Variants in RNLS observed in about 807,000 individuals in gnomAD.
RNLS encodes renalase.
A neutral mutation model predicts 39.8 loss-of-function variants in RNLS; 39 were observed. The observed-to-expected ratio is 0.98, with a 90% CI of 0.76 to 1.28. The LOEUF is 1.28. Ranked by LOEUF, RNLS falls within the 50% of genes most tolerant of loss-of-function variation. RNLS has a pLI of 0.00. For synonymous variants in RNLS, 147 were observed against 150.7 expected (o/e 0.98, Z 0.18); for missense variants, 410 against 413.3 (o/e 0.99, Z 0.07).
intron 6 of RNLS, among the ~76,000 whole-genome samples, chr10:88,312,484 C>G (rs1046427695): frequency 6.6e-6 from 1 of 152,088 alleles, no homozygotes; most frequent in Admixed American, 6.6e-5. Flanking sequence ...TTTCCCACTA[C>G]CAAGTTTTTG....
chr10:88,449,004 T>A (rs954471747), intron 4 of RNLS, among the ~76,000 whole-genome samples: 1 of 152,018 alleles, frequency 6.6e-6, no homozygotes. Context: ...TGTTGTGCAG[T>A]GCGGGGAGGG....
chr10:88,564,442 G>T (rs1018363907), intron 4 of RNLS, among the ~76,000 whole-genome samples: 1 of 152,098 alleles, frequency 6.6e-6, no homozygotes, highest in Non-Finnish European at 1.5e-5. Context: ...AGGGTGGGGG[G>T]TGGAGATGAG....
chr10:88,520,508 T>C (rs1220219913), intron 4 of RNLS, among the ~76,000 whole-genome samples: 1 of 151,992 alleles, frequency 6.6e-6, no homozygotes, highest in Non-Finnish European at 1.5e-5. Flanking sequence ...AGGGACACCA[T>C]GATAGCCACA....
In RNLS at chr10:88,446,641, G is replaced by A. The variant is rs151122399; in HGVS notation, c.527-83916C>T. 1.4e-3 allele frequency among the ~76,000 whole-genome samples: 209 copies of A among 152,160 alleles called. 5 individuals carry two copies. In the East Asian group the frequency reaches 0.038, roughly 28 times the overall value. On this transcript the variant is annotated intron_variant, in intron 4 of 6. Transcript: ENST00000331772. ...AAATGATAAAGGGGATATCACCACC[G>A]ATCCCACAGAAATGCAAACTACCAT... is the stretch of plus-strand genomic sequence containing the variant.
intron 4 of RNLS, among the ~76,000 whole-genome samples, chr10:88,400,311 T>C (rs1197785972): frequency 6.6e-6 from 1 of 152,026 alleles, no homozygotes; most frequent in Admixed American, 6.6e-5. Flanking sequence ...GGAATCCCTA[T>C]TTTCCTTTGA....
chr10:88,567,402 T>C (rs987178139), intron 4 of RNLS, among the ~76,000 whole-genome samples: 6 of 152,220 alleles, frequency 3.9e-5, no homozygotes, highest in African/African-American at 1.4e-4. Context: ...AAATGTAATG[T>C]TAAAGGATCT....
At chr10:88,545,547 G>A in intron 4 of RNLS, 1 of 434,286 alleles carries the variant, frequency 2.3e-6, no homozygotes, top group Non-Finnish European at 4.6e-6. Flanking sequence ...GTACAGCACG[G>A]GAAAAACCTG....
intron 4 of RNLS, among the ~76,000 whole-genome samples, chr10:88,435,946 T>C (rs1344347501): frequency 6.6e-6 from 1 of 152,058 alleles, no homozygotes; most frequent in Non-Finnish European, 1.5e-5. Context: ...AATGAAAGGG[T>C]ATCAATGAGT....
intron 5 of RNLS, among the ~76,000 whole-genome samples, chr10:88,361,146 C>T (rs899906156): frequency 2.0e-5 from 3 of 152,168 alleles, no homozygotes; most frequent in Non-Finnish European, 4.4e-5. Context: ...AGAGAGCTTT[C>T]TCTTTTGCTC....
At chr10:88,374,962 C>A (rs111409879) in intron 4 of RNLS, among the ~76,000 whole-genome samples, 1 of 152,120 alleles carries the variant, frequency 6.6e-6, no homozygotes, top group Non-Finnish European at 1.5e-5. Context: ...ACCTCCTCCC[C>A]ACTTGCTCTC....
chr10:88,233,157 G>T, the RNLS span, among the ~76,000 whole-genome samples: 1 of 152,194 alleles, frequency 6.6e-6, no homozygotes, highest in African/African-American at 2.4e-5. Context: ...TGGCAGGCCG[G>T]ACTGGACTGC....
the RNLS span, among the ~76,000 whole-genome samples, chr10:88,172,609 C>T: frequency 6.6e-6 from 1 of 151,990 alleles, no homozygotes; most frequent in Non-Finnish European, 1.5e-5. Flanking sequence ...CAAATATTTT[C>T]TCTCATTCTA....
At chr10:88,345,379 T>C (rs1443919942) in intron 5 of RNLS, among the ~76,000 whole-genome samples, 1 of 152,172 alleles carries the variant, frequency 6.6e-6, no homozygotes, top group Non-Finnish European at 1.5e-5. Context: ...CAAAAAATGA[T>C]TTGACATCCC....
At chr10:88,292,489 C>A (rs1832340909) in intron 6 of RNLS, among the ~76,000 whole-genome samples, 1 of 151,210 alleles carries the variant, frequency 6.6e-6, no homozygotes, top group Non-Finnish European at 1.5e-5. Context: ...ACTCCAATTA[C>A]TTCAAAATAT....
intron 4 of RNLS, among the ~76,000 whole-genome samples, chr10:88,524,956 C>CACACACACATAT (rs768939981): frequency 6.6e-5 from 5 of 76,282 alleles, no homozygotes; most frequent in African/African-American, 1.8e-4. Flanking sequence ...ATGGCACACA[C>CACACACACATAT]ATACATATAT....
chr10:88,379,579 A>G (rs1851293138), intron 4 of RNLS, among the ~76,000 whole-genome samples: 1 of 152,204 alleles, frequency 6.6e-6, no homozygotes, highest in Non-Finnish European at 1.5e-5. Context: ...TTTGCCAGAT[A>G]GATTTTCCAA....
rs183871742 is a variant in RNLS, at chr10:88,382,494, T to C, written c.527-19769A>G. 7.6e-3 allele frequency among the ~76,000 whole-genome samples: 1,161 copies of C among 152,214 alleles called. 10 individuals are homozygous for C. The highest frequency in any genetic ancestry group is 0.013 in the Non-Finnish European group (872 of 67,934). On this transcript the variant is annotated intron_variant, in intron 4 of 6. Transcript: ENST00000331772. ...GCAAATAACACTGCATCAAAAATAA[T>C]TTTCTGAGTAGCTCATTTGTTTCCC... is the stretch of plus-strand genomic sequence containing the variant.
intron 4 of RNLS, among the ~76,000 whole-genome samples, chr10:88,448,162 T>G (rs1225442061): frequency 9.9e-5 from 15 of 152,074 alleles, no homozygotes; most frequent in African/African-American, 3.6e-4. Context: ...ACAAATGGGA[T>G]CTAATTAAAC....
At chr10:88,267,755 G>T in the RNLS span, among the ~76,000 whole-genome samples, 1 of 152,112 alleles carries the variant, frequency 6.6e-6, no homozygotes, top group Non-Finnish European at 1.5e-5. Flanking sequence ...TTAAAAAGAT[G>T]GCCAATGGCA....
Sources: allele counts gnomAD v4.1 joint callset (sites outside exome capture counted in the v4.1 genomes callset), GRCh38; gene constraint gnomAD v4.1.1; transcripts MANE v1.5; gene names NCBI Gene and HGNC (gene_info 2026-07-23, HGNC 2026-07-21).